Variants in SLIT2 observed in about 807,000 individuals in gnomAD.
The protein encoded by SLIT2 is slit homolog 2 protein.
Under a neutral mutation model 185.7 loss-of-function variants are expected in SLIT2, and 41 were observed. The observed-to-expected ratio is 0.22, with a 90% CI of 0.17 to 0.29. The LOEUF (loss-of-function observed/expected upper bound fraction) is 0.29. SLIT2 is among the 10% of genes least tolerant of loss of function. SLIT2 has a pLI of 1.00. For synonymous variants in SLIT2, 693 were observed against 680.2 expected, an observed-to-expected ratio of 1.02 and a Z score of -0.29; for missense variants, 1,571 against 1,909.0, an observed-to-expected ratio of 0.82 and a Z score of 3.30.
chr4:20,420,430 A>G (rs1459443165), intron 4 of SLIT2, among the ~76,000 whole-genome samples: 1 of 152,202 alleles, frequency 6.6e-6, no homozygotes, highest in Non-Finnish European at 1.5e-5. Flanking sequence ...GCCAGTTACT[A>G]TGCAGACACT....
At chr4:20,384,808 A>G (rs1230536576) in intron 4 of SLIT2, among the ~76,000 whole-genome samples, 6 of 152,184 alleles carry the variant, frequency 3.9e-5, no homozygotes, top group African/African-American at 1.4e-4. Context: ...GGTGGTGACA[A>G]TTCATATGTA....
chr4:20,573,704 C>A (rs1265769573), intron 29 of SLIT2, among the ~76,000 whole-genome samples: 1 of 151,900 alleles, frequency 6.6e-6, no homozygotes, highest in Non-Finnish European at 1.5e-5. Flanking sequence ...AAGCAAATAT[C>A]TTTAGTAACA....
At chr4:20,503,630 T>A (rs1220158064) in intron 9 of SLIT2, among the ~76,000 whole-genome samples, 1 of 152,146 alleles carries the variant, frequency 6.6e-6, no homozygotes, top group Non-Finnish European at 1.5e-5. Context: ...TGAATATGTG[T>A]CCTTGTGAAT....
In SLIT2 at chr4:20,619,888, T is replaced by C. The variant is rs1396640400; in HGVS notation, c.*879T>C. On this transcript the variant is annotated 3_prime_UTR_variant, in exon 37 of 37. Coordinates refer to ENST00000504154, the MANE Select transcript of SLIT2 (RefSeq NM_004787.4). ...TAATTATCCTGATATTTTTGTACAT[T>C]TTTCAAACTTAAAAATCAGGATTTT... 1 of 150,920 alleles carries C rather than the reference T, an allele frequency of 6.6e-6. No homozygotes were observed. The highest frequency in any genetic ancestry group is 1.5e-5 in the Non-Finnish European group (1 of 67,982). The allele number at this position is 150,920 out of a possible 1,614,324, so 9.3% of individuals were successfully genotyped here.
intron 4 of SLIT2, among the ~76,000 whole-genome samples, chr4:20,317,118 G>C (rs1560311316): frequency 6.6e-6 from 1 of 151,756 alleles, no homozygotes; most frequent in Non-Finnish European, 1.5e-5. Context: ...CAGATGGTTT[G>C]CTTCTGGATG....
intron 4 of SLIT2, among the ~76,000 whole-genome samples, chr4:20,395,428 A>G (rs542167392): frequency 2.0e-5 from 3 of 152,170 alleles, no homozygotes; most frequent in African/African-American, 7.2e-5. Context: ...GGCATGGAAC[A>G]AAGGATATGG....
chr4:20,442,318 G>A (rs1337948983), intron 4 of SLIT2, among the ~76,000 whole-genome samples: 1 of 152,092 alleles, frequency 6.6e-6, no homozygotes, highest in East Asian at 1.9e-4. Context: ...AGGAGATCGA[G>A]ACCATCCTGG....
intron 4 of SLIT2, among the ~76,000 whole-genome samples, chr4:20,447,140 C>T (rs551908133): frequency 6.6e-6 from 1 of 152,302 alleles, no homozygotes; most frequent in African/African-American, 2.4e-5. Context: ...AAACATCAAC[C>T]CTCTTCCTTG....
intron 5 of SLIT2, among the ~76,000 whole-genome samples, chr4:20,473,439 A>G (rs963266701): frequency 1.5e-4 from 23 of 152,164 alleles, no homozygotes; most frequent in African/African-American, 5.5e-4. Context: ...ATAAATATAT[A>G]TATTCCTATG....
chr4:20,292,644 T>C (rs1319713709), intron 4 of SLIT2, among the ~76,000 whole-genome samples: 1 of 152,226 alleles, frequency 6.6e-6, no homozygotes, highest in Non-Finnish European at 1.5e-5. Context: ...CAGCTGTTTA[T>C]GTGCTGTCTG....
chr4:20,294,673 T>A (rs1716296652), intron 4 of SLIT2, among the ~76,000 whole-genome samples: 1 of 152,200 alleles, frequency 6.6e-6, no homozygotes, highest in Non-Finnish European at 1.5e-5. Flanking sequence ...TTTACACATG[T>A]AAAATTAATT....
At chr4:20,272,941 G>A (rs1045883020) in intron 4 of SLIT2, among the ~76,000 whole-genome samples, 1 of 151,982 alleles carries the variant, frequency 6.6e-6, no homozygotes, top group African/African-American at 2.4e-5. Flanking sequence ...CTCTCTTTAT[G>A]GCCTAGTGAA....
chr4:20,541,595 A>G lies in SLIT2; in HGVS notation c.2119A>G (p.Ile707Val), dbSNP rs1223829284. 1.2e-6 allele frequency: 2 copies of G among 1,614,024 alleles called. No homozygotes were observed. Among genetic ancestry groups the G allele is most frequent in the Non-Finnish European group, 8.5e-7 (1 of 1,179,894 alleles). Reference sequence around the variant, plus strand: ...AGAAATACCCATCCAGGATGTGGCCATTCAGGACTTCACTTGTGATGACGG... The same window carrying G: ...AGAAATACCCATCCAGGATGTGGCCGTTCAGGACTTCACTTGTGATGACGG... ...LKEIPIQDVA[I>V]QDFTCDDGND... Residue 707 changes from isoleucine to valine, a missense_variant, in exon 20 of 37, where the codon ATT (isoleucine) becomes GTT (valine). Physicochemically the swap from Ile to Val is conservative, Grantham distance 29 (BLOSUM62 3). Transcript: ENST00000504154.
intron 4 of SLIT2, among the ~76,000 whole-genome samples, chr4:20,302,187 A>G (rs779271230): frequency 1.3e-5 from 2 of 152,206 alleles, no homozygotes; most frequent in African/African-American, 4.8e-5. Flanking sequence ...GTTCGAATCT[A>G]TTCTTTTATA....
rs573285514 is a variant in SLIT2, at chr4:20,519,510, G to A, written c.1130+57G>A. 2.0e-5 allele frequency: 21 copies of A among 1,044,794 alleles called. No individual in the cohort carries two copies. In the East Asian group the frequency reaches 4.8e-4, roughly 24 times the overall value. 64.7% of individuals were successfully genotyped at this position (1,044,794 alleles called of 1,614,324 possible). ...CCTAATAATATATATTAGCCATTTT[G>A]TTGTCTCATATTTTTATGGAGGCCT... On this transcript the variant is annotated intron_variant, in intron 12 of 36. Transcript: ENST00000504154.
intron 4 of SLIT2, among the ~76,000 whole-genome samples, chr4:20,332,021 C>T (rs1023040777): frequency 6.6e-6 from 1 of 152,140 alleles, no homozygotes; most frequent in African/African-American, 2.4e-5. Flanking sequence ...TATCCATTCA[C>T]CAGTTAATGA....
rs552768749 is a variant in SLIT2, at chr4:20,508,587, A to G, written c.915-1908A>G. 2.6e-5 allele frequency among the ~76,000 whole-genome samples: 4 copies of G among 152,252 alleles called. No homozygotes were observed. The East Asian group carries it at 5.8e-4, about 22-fold the overall frequency. ...TGTAGTAATACCTCAATTACATAAA[A>G]TATGCTCAAAATTCTATATGCAGTA... On this transcript the variant is annotated intron_variant, in intron 9 of 36. Transcript: ENST00000504154.
At chr4:20,608,356 C>T (rs2148976972) in intron 33 of SLIT2, among the ~76,000 whole-genome samples, 1 of 152,242 alleles carries the variant, frequency 6.6e-6, no homozygotes, top group Middle Eastern at 3.4e-3. Context: ...TAACCATTAG[C>T]CAATGTTACT....
chr4:20,506,136 C>G (rs191926130), intron 9 of SLIT2, among the ~76,000 whole-genome samples: 1 of 151,966 alleles, frequency 6.6e-6, no homozygotes, highest in African/African-American at 2.4e-5. Flanking sequence ...GTTATGCAAT[C>G]ATTTACATAA....
Sources: allele counts gnomAD v4.1 joint callset (sites outside exome capture counted in the v4.1 genomes callset), GRCh38; gene constraint gnomAD v4.1.1; transcripts MANE v1.5; gene names NCBI Gene and HGNC (gene_info 2026-07-23, HGNC 2026-07-21).